The following FHIT variants were observed in gnomAD, a reference collection of about 807,000 sequenced individuals.
FHIT encodes the protein fragile histidine triad diadenosine triphosphatase.
FHIT carries 19 observed loss-of-function variants against 17.9 expected under a neutral mutation model. The ratio of observed to expected loss-of-function variants is 1.06; its 90% CI spans 0.74 to 1.56. The LOEUF (loss-of-function observed/expected upper bound fraction) is 1.56, where lower values mean the gene tolerates loss of function less well. Ranked by LOEUF, FHIT falls within the 40% of genes most tolerant of loss-of-function variation. The pLI, the probability that FHIT is intolerant of heterozygous loss-of-function variation, is 0.00. For missense variants in FHIT, 248 were observed against 189.2 expected (o/e 1.31, Z -1.82); for synonymous variants, 81 against 69.7 (o/e 1.16, Z -0.81).
chr3:61,115,392 G>A (rs956969480), intron 2 of FHIT, among the ~76,000 whole-genome samples: 8 of 152,028 alleles, frequency 5.3e-5, no homozygotes, highest in Admixed American at 1.3e-4. Context: ...AGGCAGGAGC[G>A]CCAAGAGTAA....
chr3:59,759,693 G>A (rs931855451), intron 8 of FHIT, among the ~76,000 whole-genome samples: 1 of 152,058 alleles, frequency 6.6e-6, no homozygotes, highest in Non-Finnish European at 1.5e-5. Flanking sequence ...TCATGCTTCT[G>A]GCACCTCCCT....
At chr3:61,020,388 G>A (rs894277212) in intron 3 of FHIT, among the ~76,000 whole-genome samples, 5 of 152,032 alleles carry the variant, frequency 3.3e-5, no homozygotes, top group African/African-American at 1.2e-4. Context: ...GGGGTTGTTT[G>A]TTTTTTTCTT....
intron 5 of FHIT, 144 bp downstream of exon 5, chr3:60,536,716 T>C (rs929366548): frequency 1.3e-4 from 99 of 759,678 alleles, no homozygotes; most frequent in Non-Finnish European, 1.8e-4. Context: ...ACATCTTACC[T>C]GGTGTCTCCG....
intron 4 of FHIT, among the ~76,000 whole-genome samples, chr3:60,688,075 C>A (rs1270716954): frequency 4.6e-5 from 7 of 151,748 alleles, no homozygotes; most frequent in African/African-American, 1.2e-4. Context: ...CTTCTCAGTA[C>A]CCTACAGTTA....
chr3:60,648,974 T>TA (rs1384046000), intron 4 of FHIT, among the ~76,000 whole-genome samples: 1 of 152,252 alleles, frequency 6.6e-6, no homozygotes, highest in African/African-American at 2.4e-5. Flanking sequence ...TGTGTATGCC[T>TA]GTGTTTATGT....
At chr3:60,140,984 T>C (rs747845535) in intron 5 of FHIT, among the ~76,000 whole-genome samples, 2 of 152,182 alleles carry the variant, frequency 1.3e-5, no homozygotes, top group South Asian at 2.1e-4. Context: ...TCTAGGATGG[T>C]TTCAGTCTGG....
At chr3:60,249,975 C>A (rs1705611431) in intron 5 of FHIT, among the ~76,000 whole-genome samples, 1 of 152,138 alleles carries the variant, frequency 6.6e-6, no homozygotes, top group South Asian at 2.1e-4. Context: ...GACTTATTCA[C>A]TACCACAAGA....
chr3:60,636,658 A>G (rs2107783516), intron 4 of FHIT, among the ~76,000 whole-genome samples: 1 of 152,272 alleles, frequency 6.6e-6, no homozygotes, highest in African/African-American at 2.4e-5. Context: ...ACCAGAAGTG[A>G]GAGGAGGAAA....
intron 5 of FHIT, among the ~76,000 whole-genome samples, chr3:60,126,920 T>A (rs1576159805): frequency 6.6e-6 from 1 of 152,154 alleles, no homozygotes; most frequent in East Asian, 1.9e-4. Context: ...TGCAGGGAGG[T>A]GCGCGCTTCC....
At chr3:59,900,536 A>T (rs1207314035) in intron 8 of FHIT, among the ~76,000 whole-genome samples, 1 of 152,148 alleles carries the variant, frequency 6.6e-6, no homozygotes, top group Non-Finnish European at 1.5e-5. Flanking sequence ...ATCTCCTTGC[A>T]CTTGAATCCC....
rs147487350 is a variant in FHIT at position 59,773,616 on chromosome 3, G to C, written c.349-21295C>G. Among the ~76,000 whole-genome samples the C allele has an allele frequency of 3.4e-3, 520 of 152,070 alleles. 2 individuals are homozygous for C. The highest frequency in any genetic ancestry group is 5.1e-3 in the Non-Finnish European group (345 of 67,976). ...TCCCTCTTTTCACGAAGCCTTCCTG[G>C]AGCACCCTACACTGCCTGGCATCTC... is the stretch of plus-strand genomic sequence containing the variant. On this transcript the variant is annotated intron_variant, in intron 8 of 9. Transcript: ENST00000492590.
chr3:60,808,152 C>G (rs1418892617), intron 4 of FHIT, among the ~76,000 whole-genome samples: 1 of 152,168 alleles, frequency 6.6e-6, no homozygotes, highest in African/African-American at 2.4e-5. Context: ...TGCAATTTGC[C>G]TTGTCATTCT....
At chr3:60,525,487 G>A (rs566673346) in intron 5 of FHIT, among the ~76,000 whole-genome samples, 3 of 152,012 alleles carry the variant, frequency 2.0e-5, no homozygotes, top group Admixed American at 6.6e-5. Flanking sequence ...AACAATAATT[G>A]AAGAATCTCA....
chr3:60,403,745 A>G (rs549622101), intron 5 of FHIT, among the ~76,000 whole-genome samples: 5 of 152,260 alleles, frequency 3.3e-5, no homozygotes, highest in South Asian at 2.1e-4. Flanking sequence ...TTTTTGTCCA[A>G]TCATATTTCT....
rs541674793 is a variant in FHIT, at chr3:61,105,167, C to T, written c.-163-63068G>A. ...TCTGGTTTTTTGAGTTTTCAGGATT[C>T]TTGTGCTGATTCTCTCTCATCTTTG... On this transcript the variant is annotated intron_variant, in intron 2 of 9. Transcript: ENST00000492590. Among the ~76,000 whole-genome samples, 4 of 152,160 alleles carry T rather than the reference C, an allele frequency of 2.6e-5. No homozygotes were observed. In the South Asian group the frequency reaches 8.3e-4, roughly 32 times the overall value.
At chr3:60,188,142 T>C (rs561166727) in intron 5 of FHIT, among the ~76,000 whole-genome samples, 27 of 151,486 alleles carry the variant, frequency 1.8e-4, no homozygotes, top group Middle Eastern at 3.4e-3. Flanking sequence ...TTCAACATAG[T>C]ACAATCCATT....
chr3:61,100,520 T>C (rs1424049759), intron 2 of FHIT, among the ~76,000 whole-genome samples: 2 of 152,206 alleles, frequency 1.3e-5, no homozygotes, highest in Non-Finnish European at 2.9e-5. Context: ...GCAATACACA[T>C]ACATGTGCAT....
At chr3:60,210,803 C>G (rs906678081) in intron 5 of FHIT, among the ~76,000 whole-genome samples, 1 of 151,932 alleles carries the variant, frequency 6.6e-6, no homozygotes. Flanking sequence ...GGTATAAATA[C>G]AAAGAGACAT....
intron 4 of FHIT, among the ~76,000 whole-genome samples, chr3:60,566,401 T>C (rs555084238): frequency 1.6e-3 from 248 of 152,160 alleles, no homozygotes; most frequent in South Asian, 2.1e-3. Flanking sequence ...TTTGACAAAA[T>C]TCAACAACGC....
Sources: gnomAD v4.1 joint callset for allele counts (sites outside exome capture counted in the v4.1 genomes callset) on GRCh38, gnomAD v4.1.1 for gene constraint, MANE v1.5 for transcripts, NCBI Gene and HGNC (gene_info 2026-07-23, HGNC 2026-07-21) for gene names.